Variants in PRDM5 observed in about 807,000 individuals in gnomAD.
PRDM5 encodes PR domain zinc finger protein 5.
A neutral mutation model predicts 81.2 loss-of-function variants in PRDM5; 56 were observed. That is an observed-to-expected ratio of 0.69 (90% CI 0.56 to 0.86). The LOEUF is 0.86. PRDM5 is among the 40% of genes least tolerant of loss of function. The pLI is 0.00. For missense variants in PRDM5, 697 were observed against 770.1 expected, an observed-to-expected ratio of 0.91 and a Z score of 1.12; for synonymous variants, 267 against 256.4, an observed-to-expected ratio of 1.04 and a Z score of -0.39.
intron 2 of PRDM5, among the ~76,000 whole-genome samples, chr4:120,886,946 TC>T (rs1416522952): frequency 6.7e-6 from 1 of 148,954 alleles, no homozygotes; most frequent in Non-Finnish European, 1.5e-5. Flanking sequence ...CTCTTCTCTT[TC>T]TTTTTTTTTT....
At chr4:120,724,180 T>A (rs889183654) in intron 14 of PRDM5, among the ~76,000 whole-genome samples, 28 of 152,276 alleles carry the variant, frequency 1.8e-4, no homozygotes, top group African/African-American at 6.0e-4. Context: ...ATAATTCCCA[T>A]GATTAGATGA....
chr4:120,754,784 C>T, intron 13 of PRDM5, 146 bp from the exon 14 acceptor site: 1 of 696,564 alleles, frequency 1.4e-6, no homozygotes, highest in Non-Finnish European at 2.6e-6. Context: ...CAGGGCAGAT[C>T]CAAGCATGGG....
downstream of PRDM5, among the ~76,000 whole-genome samples, chr4:120,684,510 T>A (rs1216367379): frequency 6.6e-6 from 1 of 151,932 alleles, no homozygotes; most frequent in African/African-American, 2.4e-5. Context: ...ACTATTCAGA[T>A]ACCATGAAGG....
chr4:120,784,047 T>G, intron 11 of PRDM5, among the ~76,000 whole-genome samples: 1 of 152,268 alleles, frequency 6.6e-6, no homozygotes, highest in East Asian at 1.9e-4. Flanking sequence ...GCTAATTAAC[T>G]TAAAAGTAAG....
chr4:120,808,212 C>A (rs1753285628), intron 8 of PRDM5, among the ~76,000 whole-genome samples: 1 of 152,168 alleles, frequency 6.6e-6, no homozygotes, highest in South Asian at 2.1e-4. Flanking sequence ...CCACATCCTG[C>A]TGATTGGTCC....
At position 120,791,374 on chromosome 4, in the gene PRDM5, T is replaced by C. The variant is rs146913896; in HGVS notation, c.1189-6283A>G. On this transcript the variant is annotated intron_variant, in intron 10 of 15. Coordinates refer to ENST00000264808, the MANE Select transcript of PRDM5 (RefSeq NM_018699.4). Reference sequence around the variant, plus strand: ...GTTCCTGAATGATACATATGTGTCATAGTACTAGTTACTTTTAAATATACT... The same window carrying C: ...GTTCCTGAATGATACATATGTGTCACAGTACTAGTTACTTTTAAATATACT... 2.9e-4 allele frequency among the ~76,000 whole-genome samples: 44 copies of C among 152,330 alleles called. No individual in the cohort carries two copies. In the East Asian group the frequency reaches 5.4e-3, roughly 19 times the overall value.
intron 8 of PRDM5, among the ~76,000 whole-genome samples, chr4:120,806,987 T>C (rs1260455785): frequency 1.3e-5 from 2 of 151,886 alleles, no homozygotes; most frequent in East Asian, 1.9e-4. Flanking sequence ...TACAAAGAAT[T>C]CAAACAAAGT....
chr4:120,922,399 G>C, intron 1 of PRDM5, 117 bp downstream of exon 1: 2 of 1,151,682 alleles, frequency 1.7e-6, no homozygotes, highest in Non-Finnish European at 2.2e-6. Flanking sequence ...GGCCCGGCCC[G>C]GGCGAGGGGC....
rs1305803469 is a variant in PRDM5 at position 120,746,907 on chromosome 4, C to G, written c.1623+7646G>C. Among the ~76,000 whole-genome samples the G allele has an allele frequency of 2.0e-5, 3 of 150,524 alleles. No individual in the cohort carries two copies. The East Asian group carries it at 5.9e-4, about 29-fold the overall frequency. ...CTCAGGGATCTAGAACTAGAAATAC[C>G]ATTTGACCCTGCCATCCCATTACTG... On this transcript the variant is annotated intron_variant, in intron 14 of 15. Transcript: ENST00000264808.
intron 3 of PRDM5, among the ~76,000 whole-genome samples, chr4:120,842,583 G>C (rs927501893): frequency 1.3e-5 from 2 of 152,098 alleles, no homozygotes; most frequent in Non-Finnish European, 2.9e-5. Flanking sequence ...TAAATAAATA[G>C]TTTATCTAAG....
At chr4:120,893,908 C>T (rs755644008) in intron 2 of PRDM5, among the ~76,000 whole-genome samples, 2 of 152,012 alleles carry the variant, frequency 1.3e-5, no homozygotes, top group Non-Finnish European at 2.9e-5. Flanking sequence ...TTCAGGCTTT[C>T]TGAGTCTTTA....
chr4:120,795,230 T>C (rs1751179889), intron 10 of PRDM5, among the ~76,000 whole-genome samples: 1 of 152,144 alleles, frequency 6.6e-6, no homozygotes, highest in Non-Finnish European at 1.5e-5. Context: ...AAGTAAGTGG[T>C]GCCAGCTCTA....
chr4:120,798,490 C>A, intron 9 of PRDM5, 66 bp from the exon 10 acceptor site: 2 of 1,406,668 alleles, frequency 1.4e-6, no homozygotes, highest in South Asian at 2.5e-5. Context: ...AGAGAAAACA[C>A]CCTTACCTTA....
chr4:120,699,167 T>TATATATAC (rs1479667717), intron 15 of PRDM5, among the ~76,000 whole-genome samples: 2 of 19,936 alleles, frequency 1.0e-4, no homozygotes, highest in African/African-American at 2.6e-4. Flanking sequence ...TATAAATATA[T>TATATATAC]ATATATATAT....
intron 13 of PRDM5, among the ~76,000 whole-genome samples, chr4:120,770,965 T>G (rs969476232): frequency 9.2e-5 from 14 of 152,162 alleles, no homozygotes; most frequent in African/African-American, 3.1e-4. Context: ...TTTTCAATTA[T>G]TTAAATACAA....
At chr4:120,803,588 T>C (rs1752448681) in intron 8 of PRDM5, among the ~76,000 whole-genome samples, 1 of 152,116 alleles carries the variant, frequency 6.6e-6, no homozygotes, top group Non-Finnish European at 1.5e-5. Context: ...ACCCAGCATT[T>C]CATATCCAGC....
chr4:120,763,810 C>T lies in PRDM5; in HGVS notation c.1538-9172G>A, dbSNP rs560689196. On this transcript the variant is annotated intron_variant, in intron 13 of 15. Transcript: ENST00000264808. ...TAACTAAGCAGTTAAACCTTAGGTG[C>T]CTGCACAAAGAGGAGTTTCCTATAA... 2.0e-5 allele frequency among the ~76,000 whole-genome samples: 3 copies of T among 151,852 alleles called. No homozygotes were observed. The South Asian group carries it at 6.2e-4, about 32-fold the overall frequency.
chr4:120,711,134 T>A (rs1161993886), intron 14 of PRDM5, among the ~76,000 whole-genome samples: 1 of 152,194 alleles, frequency 6.6e-6, no homozygotes, highest in East Asian at 1.9e-4. Flanking sequence ...AAAAATCTAC[T>A]GAGATACTCA....
intron 3 of PRDM5, among the ~76,000 whole-genome samples, chr4:120,841,436 A>G (rs1374148626): frequency 2.0e-5 from 3 of 152,142 alleles, no homozygotes; most frequent in Non-Finnish European, 4.4e-5. Flanking sequence ...AGACTACTCA[A>G]CTTCCATTGA....
Sources: gnomAD v4.1 joint callset for allele counts (sites outside exome capture counted in the v4.1 genomes callset) on GRCh38, gnomAD v4.1.1 for gene constraint, MANE v1.5 for transcripts, NCBI Gene and HGNC (gene_info 2026-07-23, HGNC 2026-07-21) for gene names.